The following APBB1IP variants were observed in gnomAD, a reference collection of about 807,000 sequenced individuals.
APBB1IP encodes amyloid beta precursor protein binding family B member 1 interacting protein, also known as amyloid beta A4 precursor protein-binding family B member 1-interacting protein.
A neutral mutation model predicts 64.9 loss-of-function variants in APBB1IP; 27 were observed. That is an observed-to-expected ratio of 0.42 (90% CI 0.31 to 0.57). APBB1IP has a LOEUF of 0.57. APBB1IP is among the 20% of genes least tolerant of loss of function. APBB1IP has a pLI of 0.20. For synonymous variants in APBB1IP, 392 were observed against 331.0 expected, an observed-to-expected ratio of 1.18 and a Z score of -2.00; for missense variants, 812 against 845.5, an observed-to-expected ratio of 0.96 and a Z score of 0.49.
At position 26,500,840 on chromosome 10, in the gene APBB1IP, A is replaced by G; in HGVS notation, c.182A>G (p.Asp61Gly). 1.2e-6 allele frequency: 2 copies of G among 1,613,866 alleles called. No individual in the cohort carries two copies. Among genetic ancestry groups the G allele is most frequent in the Non-Finnish European group, 1.7e-6 (2 of 1,179,748 alleles). The change falls in exon 5 of 15, where the codon GAC becomes GGC. Residue 61 changes from aspartate to glycine, a missense_variant. By Grantham distance (94) the Asp-to-Gly change is moderately conservative (BLOSUM62 -1). This residue lies in a region of APBB1IP where 394 missense variants were observed against 413.1 expected (regional missense o/e 0.95). Coordinates refer to ENST00000376236, the MANE Select transcript of APBB1IP (RefSeq NM_019043.4). ...DLNESLNALE[D>G]QDLDALMADL... Reference sequence around the variant, plus strand: ...CTAGAGTCCTTAAATGCACTGGAAGACCAAGATTTAGATGCTCTCATGGCA... The same window carrying G: ...CTAGAGTCCTTAAATGCACTGGAAGGCCAAGATTTAGATGCTCTCATGGCA...
At chr10:26,448,691 C>T (rs1019543973) in intron 2 of APBB1IP, among the ~76,000 whole-genome samples, 3 of 152,148 alleles carry the variant, frequency 2.0e-5, no homozygotes, top group African/African-American at 7.2e-5. Flanking sequence ...GCATTATTTG[C>T]CCTCTAGTAA....
intron 2 of APBB1IP, 61 bp from the exon 3 acceptor site, chr10:26,492,266 A>T: frequency 1.4e-6 from 2 of 1,463,156 alleles, no homozygotes; most frequent in Non-Finnish European, 1.9e-6. Flanking sequence ...AGGGATGCAA[A>T]GAGTATCCTA....
intron 2 of APBB1IP, among the ~76,000 whole-genome samples, chr10:26,446,875 G>GATAGACAGAT: frequency 6.6e-6 from 1 of 151,402 alleles, no homozygotes; most frequent in Non-Finnish European, 1.5e-5. Context: ...GATAGATAGA[G>GATAGACAGAT]AGAGAGATAG....
chr10:26,538,017 G>GAACT (rs1836649956), intron 10 of APBB1IP, among the ~76,000 whole-genome samples: 1 of 151,368 alleles, frequency 6.6e-6, no homozygotes, highest in Non-Finnish European at 1.5e-5. Flanking sequence ...CGGGGTTGAG[G>GAACT]AACTAACTAG....
rs1836289737 is a variant in APBB1IP at position 26,513,715 on chromosome 10, T to C, written c.813+55T>C. The C allele has an allele frequency of 5.8e-6, 9 of 1,543,738 alleles. No homozygotes were observed. In the East Asian group the frequency reaches 1.6e-4, roughly 28 times the overall value. Reference sequence around the variant, plus strand: ...ATAAAGTACAAAGGATTTTTTTTTTTTTTGAGACGGAGTCTCAAAGGCTGG... The same window carrying C: ...ATAAAGTACAAAGGATTTTTTTTTTCTTTGAGACGGAGTCTCAAAGGCTGG... On this transcript the variant is annotated intron_variant, in intron 8 of 14. Transcript: ENST00000376236.
chr10:26,534,501 T>C (rs951254715), intron 9 of APBB1IP, among the ~76,000 whole-genome samples: 8 of 152,156 alleles, frequency 5.3e-5, no homozygotes, highest in Admixed American at 3.9e-4. Context: ...GAAGACCTGG[T>C]GATGCCCTCG....
At chr10:26,526,472 G>C (rs1005880466) in intron 8 of APBB1IP, among the ~76,000 whole-genome samples, 2 of 151,956 alleles carry the variant, frequency 1.3e-5, no homozygotes, top group African/African-American at 4.8e-5. Flanking sequence ...TGTAATCCCA[G>C]CACTTTGGGA....
rs146586644 is a variant in APBB1IP at position 26,554,576 on chromosome 10, C to T, written c.1156-5529C>T. ...TTGTTTTTGTTTGCTTGTTTTTTGT[C>T]GGTTTTGGTGTTTTTTGTTTTCTTG... On this transcript the variant is annotated intron_variant, in intron 11 of 14. Transcript: ENST00000376236. Among the ~76,000 whole-genome samples, 8 of 151,986 alleles carry T rather than the reference C, an allele frequency of 5.3e-5. No homozygotes were observed. In the East Asian group the frequency reaches 7.7e-4, roughly 15 times the overall value.
intron 2 of APBB1IP, among the ~76,000 whole-genome samples, chr10:26,483,488 T>C (rs1244953410): frequency 6.6e-6 from 1 of 152,214 alleles, no homozygotes; most frequent in East Asian, 1.9e-4. Context: ...GCTGTTATTT[T>C]TATTATTATC....
At chr10:26,486,934 C>G (rs1203258811) in intron 2 of APBB1IP, among the ~76,000 whole-genome samples, 1 of 152,128 alleles carries the variant, frequency 6.6e-6, no homozygotes. Context: ...CCACCTCACC[C>G]CTCATCTATC....
intron 2 of APBB1IP, among the ~76,000 whole-genome samples, chr10:26,488,353 A>G (rs1835917730): frequency 1.3e-5 from 2 of 151,744 alleles, no homozygotes; most frequent in African/African-American, 4.8e-5. Flanking sequence ...ATCCCGTCTC[A>G]GCCTCCCAAG....
Position 26,511,899 on chromosome 10 carries a change from A to G in APBB1IP, c.684A>G (p.Leu228=), listed in dbSNP as rs769405262. 4.3e-6 allele frequency: 7 copies of G among 1,614,210 alleles called. No homozygotes were observed. In the South Asian group the frequency reaches 4.4e-5, roughly 10 times the overall value. ...GTCTTTATGAAATCTACCCGGAACTACAAATTGGTAAGTCCCATCCCCAGC... is the reference window on the plus strand; with the variant it reads ...GTCTTTATGAAATCTACCCGGAACTGCAAATTGGTAAGTCCCATCCCCAGC... The part of the protein sequence containing the change: ...DWCLYEIYPE[L]QIERFFEDHE... The change falls in exon 7 of 15, where the codon CTA becomes CTG. Residue 228 remains leucine (L), a synonymous_variant. Transcript: ENST00000376236.
At chr10:26,542,209 T>G (rs2132469864) in intron 11 of APBB1IP, among the ~76,000 whole-genome samples, 1 of 152,252 alleles carries the variant, frequency 6.6e-6, no homozygotes, top group African/African-American at 2.4e-5. Flanking sequence ...CAGGGTGGAG[T>G]GCAGTGGCTC....
intron 11 of APBB1IP, among the ~76,000 whole-genome samples, chr10:26,553,602 G>C (rs1836859412): frequency 6.6e-6 from 1 of 152,120 alleles, no homozygotes; most frequent in Non-Finnish European, 1.5e-5. Flanking sequence ...AAGTTGCAGG[G>C]AGCCATGATT....
At chr10:26,517,975 G>T (rs1440368806) in intron 8 of APBB1IP, among the ~76,000 whole-genome samples, 2 of 152,052 alleles carry the variant, frequency 1.3e-5, no homozygotes, top group East Asian at 3.8e-4. Context: ...TCATTTTTGG[G>T]ATTGAGTCTT....
intron 10 of APBB1IP, among the ~76,000 whole-genome samples, chr10:26,537,269 A>G (rs1330075043): frequency 6.6e-6 from 1 of 152,040 alleles, no homozygotes; most frequent in Non-Finnish European, 1.5e-5. Context: ...ATATTCATGC[A>G]TTGCAATGCA....
chr10:26,448,141 A>T (rs1473329912), intron 2 of APBB1IP, among the ~76,000 whole-genome samples: 1 of 26,136 alleles, frequency 3.8e-5, no homozygotes, highest in African/African-American at 1.2e-4. Context: ...TAAAAATTTT[A>T]AAAATAATAT....
chr10:26,457,210 C>G (rs1268700329), intron 2 of APBB1IP, among the ~76,000 whole-genome samples: 1 of 152,188 alleles, frequency 6.6e-6, no homozygotes, highest in African/African-American at 2.4e-5. Context: ...ACCTGTGTTT[C>G]TTCTCCGAGC....
At chr10:26,540,816 C>T (rs987348724) in intron 10 of APBB1IP, among the ~76,000 whole-genome samples, 2 of 152,202 alleles carry the variant, frequency 1.3e-5, no homozygotes, top group African/African-American at 4.8e-5. Flanking sequence ...TCCATGGCAA[C>T]ACTGCCTGCA....
Sources: allele counts gnomAD v4.1 joint callset (sites outside exome capture counted in the v4.1 genomes callset), GRCh38; gene constraint gnomAD v4.1.1; regional missense constraint gnomAD v4.1.1; transcripts MANE v1.5; gene names NCBI Gene and HGNC (gene_info 2026-07-23, HGNC 2026-07-21).